The following UBOX5 variants were observed in gnomAD, a reference collection of about 807,000 sequenced individuals.
UBOX5 encodes RING finger protein 37.
In UBOX5, 28 loss-of-function variants were observed where a neutral mutation model predicts 39.0. The observed-to-expected ratio is 0.72, with a 90% CI of 0.53 to 0.98. The LOEUF (loss-of-function observed/expected upper bound fraction) is 0.98. Ranked by LOEUF, UBOX5 falls within the 50% of genes least tolerant of loss-of-function variation. The probability of loss-of-function intolerance (pLI) is 0.00; values close to 1 mark genes in which losing one functional copy is unlikely to be tolerated. For synonymous variants in UBOX5, 283 were observed against 275.5 expected (o/e 1.03, Z -0.27); for missense variants, 585 against 674.4 (o/e 0.87, Z 1.47).
chr20:3,144,434 C>G (rs770649888), intron 1 of UBOX5, among the ~76,000 whole-genome samples: 1 of 152,122 alleles, frequency 6.6e-6, no homozygotes, highest in East Asian at 1.9e-4. Context: ...TATCCACATG[C>G]AAAAGAATGA....
At chr20:3,138,734 CAACA>C (rs1276561623) in intron 1 of UBOX5, among the ~76,000 whole-genome samples, 2 of 152,096 alleles carry the variant, frequency 1.3e-5, no homozygotes, top group Non-Finnish European at 2.9e-5. Flanking sequence ...TTGAAGCAAC[CAACA>C]AACCTTTTGT....
At chr20:3,142,073 C>A (rs1311710651) in intron 1 of UBOX5, among the ~76,000 whole-genome samples, 1 of 148,902 alleles carries the variant, frequency 6.7e-6, no homozygotes, top group African/African-American at 2.5e-5. Context: ...CAAAAGGGAT[C>A]ACCTGAGTCC....
intron 4 of UBOX5, 120 bp from the exon 5 acceptor site, chr20:3,110,434 G>A (rs2066244939): frequency 8.8e-7 from 1 of 1,141,596 alleles, no homozygotes; most frequent in African/African-American, 1.5e-5. Context: ...TCCCTCCCGA[G>A]TCCATCCCAG....
chr20:3,118,038 G>A (rs2066306785), intron 3 of UBOX5, among the ~76,000 whole-genome samples: 1 of 152,000 alleles, frequency 6.6e-6, no homozygotes, highest in Admixed American at 6.6e-5. Flanking sequence ...ATGGTGCTGT[G>A]CGCCTGTAGT....
At chr20:3,114,934 C>A (rs931193959) in intron 4 of UBOX5, among the ~76,000 whole-genome samples, 2 of 151,674 alleles carry the variant, frequency 1.3e-5, no homozygotes, top group Non-Finnish European at 2.9e-5. Flanking sequence ...GGCAACAGGG[C>A]GAGATGCAGT....
chr20:3,154,626 T>C (rs568741700), intron 1 of UBOX5, among the ~76,000 whole-genome samples: 24 of 152,152 alleles, frequency 1.6e-4, no homozygotes, highest in African/African-American at 5.5e-4. Flanking sequence ...AAGGCTGCAG[T>C]GAGCTGTGAT....
intron 3 of UBOX5, among the ~76,000 whole-genome samples, 182 bp from the exon 4 acceptor site, chr20:3,115,648 C>G (rs1026305431): frequency 2.6e-5 from 4 of 152,128 alleles, no homozygotes; most frequent in African/African-American, 9.7e-5. Context: ...CCTAGGAACA[C>G]CGGCAGTTCC....
At position 3,142,007 on chromosome 20, in the gene UBOX5, T is replaced by TTTTCC. The variant is rs1328327028; in HGVS notation, c.-42+17758_-42+17759insGGAAA. On this transcript the variant is annotated intron_variant, in intron 1 of 4. Coordinates refer to ENST00000217173, the MANE Select transcript of UBOX5 (RefSeq NM_014948.4). ...CAGCCTGGGCAACAGAGTGAGACCCTTTTTCTTTTCTTTTCTTTTCTTTTT... is the reference window on the plus strand; with the variant it reads ...CAGCCTGGGCAACAGAGTGAGACCCTTTTCCTTTTCTTTTCTTTTCTTTTCTTTTT... 1.7e-4 allele frequency among the ~76,000 whole-genome samples: 26 copies of TTTTCC among 150,536 alleles called. No homozygotes were observed. In the East Asian group the frequency reaches 5.1e-3, roughly 30 times the overall value.
intron 1 of UBOX5, among the ~76,000 whole-genome samples, chr20:3,133,362 T>A (rs1170743539): frequency 6.6e-6 from 1 of 152,180 alleles, no homozygotes; most frequent in Non-Finnish European, 1.5e-5. Flanking sequence ...CCATGTAACT[T>A]GAACTCACTG....
chr20:3,155,052 CAAAAAAAAAAAAAAA>C (rs11326176), intron 1 of UBOX5, among the ~76,000 whole-genome samples: 11 of 96,100 alleles, frequency 1.1e-4, no homozygotes, highest in Admixed American at 8.2e-4. Context: ...GACACAGTCT[CAAAAAAAAAAAAAAA>C]AAAAAGAAAA....
At chr20:3,113,545 G>A (rs1049820192) in intron 4 of UBOX5, among the ~76,000 whole-genome samples, 1 of 152,128 alleles carries the variant, frequency 6.6e-6, no homozygotes, top group Non-Finnish European at 1.5e-5. Flanking sequence ...ATACCAGCAG[G>A]GGCTACTGCA....
rs879283428 is a variant in UBOX5, at chr20:3,113,528, TG to T, written c.1417+1776del. Among the ~76,000 whole-genome samples, 156 of 151,722 alleles carry T rather than the reference TG, an allele frequency of 1.0e-3. 2 individuals are homozygous for T. The highest frequency in any genetic ancestry group is 3.6e-3 in the African/African-American group (149 of 41,318). On this transcript the variant is annotated intron_variant, in intron 4 of 4. Transcript: ENST00000217173. ...ATGATGAGCCACAGTAAGGCGAGGA[TG>T]GGGGGATACCAGCAGGGGCTACTGC...
chr20:3,150,389 CTTAGCAATGTTTCCAGTGAGTCT>C (rs889631136), intron 1 of UBOX5: 6 of 152,176 alleles, frequency 3.9e-5, no homozygotes, highest in Non-Finnish European at 8.8e-5. Context: ...GAGAAGGCAG[CTTAGCAATGTTTCCAGTGAGTCT>C]TTATTCTGCC....
rs537516836 is a variant in UBOX5, at chr20:3,131,471, G to C, written c.-41-8065C>G. 6.6e-5 allele frequency among the ~76,000 whole-genome samples: 10 copies of C among 152,054 alleles called. No homozygotes were observed. In the South Asian group the frequency reaches 2.1e-3, roughly 32 times the overall value. On this transcript the variant is annotated intron_variant, in intron 1 of 4. Coordinates refer to ENST00000217173, the MANE Select transcript of UBOX5 (RefSeq NM_014948.4). ...TTTATTCCCAGGAGAGATTCTATTTGGTTGTAGCATATTGTTCTTTAAATG... is the reference window on the plus strand; with the variant it reads ...TTTATTCCCAGGAGAGATTCTATTTCGTTGTAGCATATTGTTCTTTAAATG...
Position 3,130,226 on chromosome 20 carries a change from AAAATAAATAAATAAAT to A in UBOX5, c.-41-6836_-41-6821del, listed in dbSNP as rs58208899. The stretch of plus-strand genomic sequence containing the variant: ...GTGACAGAGTGAGACCCTGTCTCCA[AAAATAAATAAATAAAT>A]AAATAAATAAATAAATAAATAAATA... On this transcript the variant is annotated intron_variant, in intron 1 of 4. Coordinates refer to ENST00000217173, the MANE Select transcript of UBOX5 (RefSeq NM_014948.4). Among the ~76,000 whole-genome samples, 342 of 145,508 alleles carry A rather than the reference AAAATAAATAAATAAAT, an allele frequency of 2.4e-3. 11 individuals carry two copies. The East Asian group carries it at 0.053, about 22-fold the overall frequency.
intron 3 of UBOX5, among the ~76,000 whole-genome samples, chr20:3,116,894 A>C (rs1246053559): frequency 1.3e-5 from 2 of 152,062 alleles, no homozygotes; most frequent in Non-Finnish European, 2.9e-5. Context: ...TCAGGAGTTC[A>C]AGACCAGCCT....
At chr20:3,135,324 G>A (rs2066461132) in intron 1 of UBOX5, among the ~76,000 whole-genome samples, 2 of 152,088 alleles carry the variant, frequency 1.3e-5, no homozygotes, top group Admixed American at 1.3e-4. Flanking sequence ...GTAGACTACA[G>A]GAGCCAAGAG....
intron 1 of UBOX5, among the ~76,000 whole-genome samples, chr20:3,154,380 A>G (rs973203998): frequency 6.6e-6 from 1 of 152,256 alleles, no homozygotes; most frequent in Admixed American, 6.5e-5. Context: ...AAGTTATACA[A>G]GATAGAATAT....
At chr20:3,146,733 T>G in intron 1 of UBOX5, 1 of 1,585,214 alleles carries the variant, frequency 6.3e-7, no homozygotes, top group Non-Finnish European at 8.6e-7. Context: ...CCTGGTACAG[T>G]ATACACCTAT....
Sources: allele counts gnomAD v4.1 joint callset (sites outside exome capture counted in the v4.1 genomes callset), GRCh38; gene constraint gnomAD v4.1.1; transcripts MANE v1.5; gene names NCBI Gene and HGNC (gene_info 2026-07-23, HGNC 2026-07-21).